ITCH: variants seen among roughly 807,000 people sequenced by gnomAD.
ITCH encodes the protein E3 ubiquitin-protein ligase Itchy homolog.
ITCH carries 28 observed loss-of-function variants against 126.8 expected under a neutral mutation model. That is an observed-to-expected ratio of 0.22 (90% CI 0.16 to 0.30). The LOEUF (loss-of-function observed/expected upper bound fraction) is 0.30, where lower values mean the gene tolerates loss of function less well. Ranked by LOEUF, ITCH falls within the 10% of genes least tolerant of loss-of-function variation. The probability of loss-of-function intolerance (pLI) is 1.00; values close to 1 mark genes in which losing one functional copy is unlikely to be tolerated. For synonymous variants in ITCH, 342 were observed against 340.0 expected (o/e 1.01, Z -0.06); for missense variants, 631 against 1,032.4 (o/e 0.61, Z 5.33).
rs1255614100 is a variant in ITCH, at chr20:34,507,798, C to T, written c.*4C>T. ...AGAAGGATTTGGACAAGAGTAACTT[C>T]TGAGAACTTGCACCATGAATGGGCA... On this transcript the variant is annotated 3_prime_UTR_variant, in exon 25 of 25. Coordinates refer to ENST00000374864, the MANE Select transcript of ITCH (RefSeq NM_031483.7). 1 of 1,607,652 alleles carries T rather than the reference C, an allele frequency of 6.2e-7. No individual in the cohort carries two copies. Among genetic ancestry groups the T allele is most frequent in the African/African-American group, 1.3e-5 (1 of 74,794 alleles).
At chr20:34,386,947 T>C (rs372796789) in intron 2 of ITCH, among the ~76,000 whole-genome samples, 124 of 152,260 alleles carry the variant, frequency 8.1e-4, no homozygotes, top group African/African-American at 2.7e-3. Flanking sequence ...AGCACCTTCT[T>C]TCTATATTGG....
At chr20:34,416,506 T>G (rs1446848596) in intron 6 of ITCH, among the ~76,000 whole-genome samples, 2 of 152,236 alleles carry the variant, frequency 1.3e-5, no homozygotes, top group African/African-American at 4.8e-5. Context: ...TTTTTAGCTT[T>G]GTTTGGACCT....
At chr20:34,381,682 T>C (rs2038070372) in intron 2 of ITCH, among the ~76,000 whole-genome samples, 1 of 151,946 alleles carries the variant, frequency 6.6e-6, no homozygotes, top group African/African-American at 2.4e-5. Flanking sequence ...CTCCTTGGCC[T>C]CCCAAAGTGC....
At chr20:34,392,038 C>G (rs2038508415) in intron 2 of ITCH, among the ~76,000 whole-genome samples, 1 of 152,156 alleles carries the variant, frequency 6.6e-6, no homozygotes, top group Non-Finnish European at 1.5e-5. Flanking sequence ...TTGGACTTTT[C>G]TCACTGCCCC....
chr20:34,424,384 A>T, intron 6 of ITCH, 96 bp from the exon 7 acceptor site: 1 of 892,660 alleles, frequency 1.1e-6, no homozygotes, highest in Non-Finnish European at 1.9e-6. Context: ...ACAAAGATTT[A>T]ATAAAAGGCT....
chr20:34,375,338 GC>G (rs2037795906), intron 2 of ITCH, among the ~76,000 whole-genome samples: 1 of 149,152 alleles, frequency 6.7e-6, no homozygotes, highest in Non-Finnish European at 1.5e-5. Context: ...ACCGCACCTG[GC>G]CTTTTTTTTT....
intron 18 of ITCH, 53 bp downstream of exon 18, chr20:34,479,842 T>A (rs1482648738): frequency 7.3e-6 from 11 of 1,513,832 alleles, no homozygotes; most frequent in Middle Eastern, 1.7e-4. Flanking sequence ...AATACTAAAT[T>A]TTCTCTTAGG....
intron 1 of ITCH, among the ~76,000 whole-genome samples, chr20:34,363,915 T>C (rs1018033053): frequency 3.3e-5 from 5 of 152,256 alleles, no homozygotes; most frequent in African/African-American, 7.2e-5. Flanking sequence ...TGGTCCCGGC[T>C]CCGGCGCCCT....
chr20:34,435,244 C>A (rs1601893707), intron 7 of ITCH, among the ~76,000 whole-genome samples: 1 of 151,856 alleles, frequency 6.6e-6, no homozygotes, highest in Admixed American at 6.6e-5. Flanking sequence ...TCTCCGCTTA[C>A]CACAACCTCA....
chr20:34,383,563 T>C (rs561894532), intron 2 of ITCH, among the ~76,000 whole-genome samples: 38 of 151,846 alleles, frequency 2.5e-4, no homozygotes, highest in South Asian at 2.3e-3. Context: ...ACAGGGTTTC[T>C]CCATGTTAGT....
At chr20:34,486,802 G>A (rs117075207) in intron 20 of ITCH, among the ~76,000 whole-genome samples, 5,645 of 148,180 alleles carry the variant, frequency 0.038, 142 homozygotes, top group Non-Finnish European at 0.059. Flanking sequence ...AAGTTCAAGC[G>A]ATCCTCTAGC....
intron 14 of ITCH, among the ~76,000 whole-genome samples, chr20:34,467,678 ATTTTTTTTTTTTTTT>A (rs147009659): frequency 1.0e-5 from 1 of 98,054 alleles, no homozygotes; most frequent in East Asian, 2.9e-4. Flanking sequence ...TTTCTTTTTC[ATTTTTTTTTTTTTTT>A]TTTTTTTTTG....
Position 34,440,226 on chromosome 20 carries a change from A to G in ITCH, c.751A>G (p.Asn251Asp), listed in dbSNP as rs1402966218. The G allele has an allele frequency of 3.1e-6, 5 of 1,610,038 alleles. No homozygotes were observed. Among genetic ancestry groups the G allele is most frequent in the Non-Finnish European group, 4.3e-6 (5 of 1,176,428 alleles). The change falls in exon 9 of 25, where the codon AAT (asparagine) becomes GAT (aspartate). Residue 251 changes from asparagine (N) to aspartate (D), a missense_variant. By Grantham distance (23) the Asn-to-Asp change is conservative. Transcript: ENST00000374864. ...TAGTACAGGCTCTCTGCCGCCGACA[A>G]ATACAAATACAAATACATCTGAAGG... The part of the protein sequence containing the change: ...GSSTGSLPPT[N>D]TNTNTSEGAT...
intron 13 of ITCH, among the ~76,000 whole-genome samples, chr20:34,457,898 A>G (rs1211608170): frequency 1.3e-5 from 2 of 152,176 alleles, no homozygotes; most frequent in Non-Finnish European, 2.9e-5. Flanking sequence ...GCAGTGAACT[A>G]TGATTGTGCC....
At chr20:34,424,459 G>C (rs1355519532) in intron 6 of ITCH, 21 bp from the exon 7 acceptor site, 2 of 1,605,238 alleles carry the variant, frequency 1.2e-6, no homozygotes, top group Non-Finnish European at 1.7e-6. Flanking sequence ...CTCATTTTCT[G>C]TTTAAACTTT....
At chr20:34,373,164 G>A (rs1178399293) in intron 2 of ITCH, among the ~76,000 whole-genome samples, 1 of 151,968 alleles carries the variant, frequency 6.6e-6, no homozygotes, top group African/African-American at 2.4e-5. Context: ...ACTAGAGATA[G>A]GGTTTCACTG....
At chr20:34,369,345 C>CAAACA in intron 1 of ITCH, 49 bp from the exon 2 acceptor site, 1 of 397,576 alleles carries the variant, frequency 2.5e-6, no homozygotes, top group Non-Finnish European at 4.4e-6. Flanking sequence ...AACAAACAAA[C>CAAACA]AAAAAAATAT....
chr20:34,477,647 A>G (rs1297961340), intron 16 of ITCH, 125 bp from the exon 17 acceptor site: 14 of 791,024 alleles, frequency 1.8e-5, no homozygotes, highest in African/African-American at 1.2e-4. Flanking sequence ...TGACTAGACC[A>G]TGAACACCTT....
chr20:34,418,239 A>C (rs531452544), intron 6 of ITCH, among the ~76,000 whole-genome samples: 1 of 152,236 alleles, frequency 6.6e-6, no homozygotes, highest in East Asian at 1.9e-4. Flanking sequence ...TGCTGGGTTT[A>C]TAGGCACGAA....
Sources: gnomAD v4.1 joint callset for allele counts (sites outside exome capture counted in the v4.1 genomes callset) on GRCh38, gnomAD v4.1.1 for gene constraint, MANE v1.5 for transcripts, NCBI Gene and HGNC (gene_info 2026-07-23, HGNC 2026-07-21) for gene names.